Variants in DKK3 observed in about 807,000 individuals in gnomAD.
DKK3 encodes the protein dickkopf Wnt signaling pathway inhibitor 3.
A neutral mutation model predicts 33.2 loss-of-function variants in DKK3; 22 were observed. The observed-to-expected ratio is 0.66, with a 90% CI of 0.47 to 0.95. The LOEUF is 0.95. DKK3 is among the 40% of genes least tolerant of loss of function. The pLI is 0.00. For missense variants in DKK3, 398 were observed against 458.4 expected, an observed-to-expected ratio of 0.87 and a Z score of 1.20; for synonymous variants, 194 against 188.8, an observed-to-expected ratio of 1.03 and a Z score of -0.23.
intron 3 of DKK3, among the ~76,000 whole-genome samples, chr11:11,989,999 G>T (rs1848155075): frequency 6.6e-6 from 1 of 152,132 alleles, no homozygotes; most frequent in Non-Finnish European, 1.5e-5. Flanking sequence ...GGGAATACTG[G>T]GACATGTTGT....
At chr11:11,977,681 G>T (rs1233980131) in intron 3 of DKK3, among the ~76,000 whole-genome samples, 1 of 152,126 alleles carries the variant, frequency 6.6e-6, no homozygotes, top group Non-Finnish European at 1.5e-5. Context: ...CCTGGCCGGG[G>T]TCTATTCCCC....
At chr11:11,983,452 G>C (rs1027080377) in intron 3 of DKK3, among the ~76,000 whole-genome samples, 17 of 152,206 alleles carry the variant, frequency 1.1e-4, no homozygotes, top group African/African-American at 4.1e-4. Context: ...GGTGGGGCAG[G>C]TGAAATCTCT....
intron 1 of DKK3, among the ~76,000 whole-genome samples, chr11:12,004,088 G>A (rs190160534): frequency 2.8e-4 from 43 of 152,302 alleles, no homozygotes; most frequent in Non-Finnish European, 5.6e-4. Context: ...TGTCTGAATC[G>A]TTGCACCAGA....
At chr11:11,971,029 A>AT (rs35525674) in intron 3 of DKK3, among the ~76,000 whole-genome samples, 8,461 of 138,916 alleles carry the variant, frequency 0.061, 253 homozygotes, top group South Asian at 0.098. Flanking sequence ...AAAATTGAAG[A>AT]TTTTTTTTTT....
chr11:11,970,422 A>G (rs200477072), intron 3 of DKK3, among the ~76,000 whole-genome samples: 2 of 152,378 alleles, frequency 1.3e-5, no homozygotes, highest in East Asian at 1.9e-4. Flanking sequence ...TTAAAAGAGC[A>G]TAACACCATT....
intron 1 of DKK3, among the ~76,000 whole-genome samples, chr11:12,006,484 A>G (rs1848538322): frequency 6.6e-6 from 1 of 152,180 alleles, no homozygotes; most frequent in African/African-American, 2.4e-5. Context: ...TTCTCCTGCC[A>G]TGGTGTTCAA....
At chr11:11,991,305 G>A (rs2135072727) in intron 3 of DKK3, among the ~76,000 whole-genome samples, 1 of 152,318 alleles carries the variant, frequency 6.6e-6, no homozygotes, top group South Asian at 2.1e-4. Flanking sequence ...TAAATCTCAT[G>A]TTGAAATTTG....
At chr11:11,984,326 T>C (rs138620284) in intron 3 of DKK3, among the ~76,000 whole-genome samples, 25 of 152,366 alleles carry the variant, frequency 1.6e-4, no homozygotes, top group Non-Finnish European at 3.2e-4. Flanking sequence ...TCGGCAACTC[T>C]GACAACTCTC....
chr11:11,996,778 A>G (rs1288312465), intron 3 of DKK3, among the ~76,000 whole-genome samples: 1 of 152,182 alleles, frequency 6.6e-6, no homozygotes, highest in Non-Finnish European at 1.5e-5. Flanking sequence ...ACTGTCATAT[A>G]TGGGGGTTCG....
intron 3 of DKK3, among the ~76,000 whole-genome samples, chr11:11,989,213 G>T (rs755912703): frequency 2.0e-5 from 3 of 152,180 alleles, no homozygotes; most frequent in Non-Finnish European, 4.4e-5. Context: ...ATATCCAAAA[G>T]AAGTGAAAGC....
At chr11:12,000,652 G>A (rs575063811) in intron 2 of DKK3, among the ~76,000 whole-genome samples, 8 of 151,042 alleles carry the variant, frequency 5.3e-5, no homozygotes, top group Middle Eastern at 3.5e-3. Context: ...TTACAGGCAC[G>A]TGACACCATG....
chr11:11,982,260 G>T (rs1847970548), intron 3 of DKK3, among the ~76,000 whole-genome samples: 1 of 147,070 alleles, frequency 6.8e-6, no homozygotes, highest in Admixed American at 6.8e-5. Flanking sequence ...GAGGTCTGGG[G>T]AATCATAACA....
At chr11:11,976,604 C>A (rs1445519384) in intron 3 of DKK3, among the ~76,000 whole-genome samples, 3 of 152,200 alleles carry the variant, frequency 2.0e-5, no homozygotes, top group Non-Finnish European at 2.9e-5. Context: ...GGTCGGGGCC[C>A]CAGCCAGGGG....
intron 3 of DKK3, among the ~76,000 whole-genome samples, chr11:11,986,231 T>G (rs7113678): frequency 6.6e-6 from 1 of 151,996 alleles, no homozygotes; most frequent in Non-Finnish European, 1.5e-5. Context: ...ATTATGAGAC[T>G]ATGGAAAATT....
chr11:11,982,219 A>T (rs1847969678), intron 3 of DKK3, among the ~76,000 whole-genome samples: 1 of 152,058 alleles, frequency 6.6e-6, no homozygotes, highest in Admixed American at 6.5e-5. Context: ...GGGCGTGGGG[A>T]CAGTCCTCCT....
At chr11:11,973,589 C>A (rs897306925) in intron 3 of DKK3, among the ~76,000 whole-genome samples, 29 of 152,324 alleles carry the variant, frequency 1.9e-4, no homozygotes, top group African/African-American at 6.5e-4. Context: ...CAGAAGCTGG[C>A]CATGGGGAAT....
At chr11:11,975,086 C>G (rs925892055) in intron 3 of DKK3, among the ~76,000 whole-genome samples, 3 of 152,202 alleles carry the variant, frequency 2.0e-5, no homozygotes, top group African/African-American at 7.2e-5. Context: ...TGATTTCAGA[C>G]TTCCAGCCTC....
chr11:11,971,607 C>T (rs755110341), intron 3 of DKK3, among the ~76,000 whole-genome samples: 1 of 152,196 alleles, frequency 6.6e-6, no homozygotes, highest in Admixed American at 6.5e-5. Context: ...CCCGAAAGGC[C>T]TTCGTAGACT....
intron 3 of DKK3, among the ~76,000 whole-genome samples, chr11:11,988,456 G>C (rs947381314): frequency 1.3e-5 from 2 of 152,192 alleles, no homozygotes; most frequent in Non-Finnish European, 2.9e-5. Context: ...TCCGGGCTCT[G>C]ACCCTGGAAG....
Sources: allele counts gnomAD v4.1 joint callset (sites outside exome capture counted in the v4.1 genomes callset), GRCh38; gene constraint gnomAD v4.1.1; transcripts MANE v1.5; gene names NCBI Gene and HGNC (gene_info 2026-07-23, HGNC 2026-07-21).